Variants in MBOAT2 observed in about 807,000 individuals in gnomAD.
The protein encoded by MBOAT2 is membrane-bound glycerophospholipid O-acyltransferase 2.
In MBOAT2, 28 loss-of-function variants were observed where a neutral mutation model predicts 63.4. The observed-to-expected ratio is 0.44, with a 90% CI of 0.33 to 0.61. The LOEUF (loss-of-function observed/expected upper bound fraction) is 0.61, where lower values mean the gene tolerates loss of function less well. MBOAT2 is among the 20% of genes least tolerant of loss of function. MBOAT2 has a pLI of 0.03. For synonymous variants in MBOAT2, 211 were observed against 215.6 expected, an observed-to-expected ratio of 0.98 and a Z score of 0.19; for missense variants, 470 against 605.8, an observed-to-expected ratio of 0.78 and a Z score of 2.35.
At chr2:8,939,635 C>T (rs755452146) in intron 3 of MBOAT2, among the ~76,000 whole-genome samples, 66 of 152,270 alleles carry the variant, frequency 4.3e-4, no homozygotes, top group Non-Finnish European at 8.4e-4. Context: ...TCCTAGGAAA[C>T]GGGCTTCCGT....
intron 2 of MBOAT2, among the ~76,000 whole-genome samples, chr2:8,950,951 T>C (rs1266515032): frequency 6.6e-6 from 1 of 152,226 alleles, no homozygotes. Context: ...GATTTGTATA[T>C]GTTGAACCAT....
intron 3 of MBOAT2, among the ~76,000 whole-genome samples, chr2:8,922,862 C>T (rs988970816): frequency 6.6e-6 from 1 of 152,196 alleles, no homozygotes; most frequent in African/African-American, 2.4e-5. Context: ...CATCCTCAGG[C>T]TAGGAGAGCT....
At chr2:8,894,524 G>A (rs1664282193) in intron 4 of MBOAT2, among the ~76,000 whole-genome samples, 1 of 152,186 alleles carries the variant, frequency 6.6e-6, no homozygotes, top group Non-Finnish European at 1.5e-5. Context: ...GAAGGGCCAA[G>A]GGGGGCCTTC....
chr2:8,961,191 T>C (rs969196242), intron 1 of MBOAT2, among the ~76,000 whole-genome samples: 4 of 152,202 alleles, frequency 2.6e-5, no homozygotes, highest in East Asian at 1.9e-4. Flanking sequence ...CAAATATCAA[T>C]GTCCAATAAA....
intron 8 of MBOAT2, among the ~76,000 whole-genome samples, chr2:8,869,267 G>A (rs1379938381): frequency 1.4e-5 from 2 of 146,046 alleles, no homozygotes; most frequent in South Asian, 2.2e-4. Context: ...AGGTGGTCTC[G>A]AACTCCTGGC....
At chr2:8,965,612 T>C (rs1271313462) in intron 1 of MBOAT2, among the ~76,000 whole-genome samples, 3 of 152,164 alleles carry the variant, frequency 2.0e-5, no homozygotes, top group East Asian at 3.8e-4. Context: ...TCTCCAGCTT[T>C]ATATGTATAT....
At chr2:8,878,437 C>A (rs921556637) in intron 6 of MBOAT2, among the ~76,000 whole-genome samples, 1 of 152,168 alleles carries the variant, frequency 6.6e-6, no homozygotes, top group Non-Finnish European at 1.5e-5. Flanking sequence ...AGTCCATGCT[C>A]CTCTCTGAAT....
intron 7 of MBOAT2, among the ~76,000 whole-genome samples, chr2:8,874,870 G>C (rs1462041954): frequency 6.6e-6 from 1 of 152,198 alleles, no homozygotes; most frequent in Non-Finnish European, 1.5e-5. Flanking sequence ...CCCGAGTGTG[G>C]CTATATGATT....
At chr2:8,929,835 C>T (rs1048492791) in intron 3 of MBOAT2, among the ~76,000 whole-genome samples, 1 of 152,208 alleles carries the variant, frequency 6.6e-6, no homozygotes, top group Non-Finnish European at 1.5e-5. Flanking sequence ...GAAACTCACT[C>T]ATTTCCTGCA....
Position 8,862,746 on chromosome 2 carries a change from G to C in MBOAT2, c.1053-24C>G. On this transcript the variant is annotated intron_variant, in intron 10 of 12. Coordinates refer to ENST00000305997, the MANE Select transcript of MBOAT2 (RefSeq NM_138799.4). This position sits in a 1 kb window ranked among gnomAD's most constrained non-coding sequence, Gnocchi z 4.3. ...CCCTAGAAACCATGAAAAACATGGAGAGCCAAGTGGAGTGAGTGACCCGAG... is the reference window on the plus strand; with the variant it reads ...CCCTAGAAACCATGAAAAACATGGACAGCCAAGTGGAGTGAGTGACCCGAG... 3.1e-6 allele frequency: 5 copies of C among 1,598,118 alleles called. No individual in the cohort carries two copies. Among genetic ancestry groups the C allele is most frequent in the Non-Finnish European group, 4.3e-6 (5 of 1,174,404 alleles).
At chr2:8,888,189 C>T in intron 4 of MBOAT2, 116 bp from the exon 5 acceptor site, 2 of 932,028 alleles carry the variant, frequency 2.1e-6, no homozygotes, top group Non-Finnish European at 3.3e-6. Flanking sequence ...AAATTTTTAA[C>T]ATAAAAAAGA....
At chr2:8,925,734 G>A (rs766428843) in intron 3 of MBOAT2, among the ~76,000 whole-genome samples, 1 of 152,196 alleles carries the variant, frequency 6.6e-6, no homozygotes, top group Non-Finnish European at 1.5e-5. Context: ...AGTACAGGAG[G>A]CAAAGGCAAA....
chr2:8,870,926 C>T (rs1342684934), intron 8 of MBOAT2, among the ~76,000 whole-genome samples: 4 of 151,916 alleles, frequency 2.6e-5, no homozygotes, highest in Admixed American at 2.0e-4. Flanking sequence ...ATATTGGGGT[C>T]GGAGGATCAG....
At chr2:8,987,543 C>T (rs1280855263) in intron 1 of MBOAT2, among the ~76,000 whole-genome samples, 2 of 152,194 alleles carry the variant, frequency 1.3e-5, no homozygotes, top group Non-Finnish European at 2.9e-5. Flanking sequence ...AAAACACTCA[C>T]ATTTCTTTTG....
intron 1 of MBOAT2, among the ~76,000 whole-genome samples, chr2:8,982,467 ACTT>A (rs1369827491): frequency 1.4e-4 from 21 of 152,330 alleles, no homozygotes; most frequent in Admixed American, 5.9e-4. Context: ...GGTCAGAGTA[ACTT>A]CTTCTTAGCC....
intron 3 of MBOAT2, among the ~76,000 whole-genome samples, chr2:8,913,952 G>A (rs1417665761): frequency 2.0e-5 from 3 of 152,304 alleles, no homozygotes; most frequent in East Asian, 3.9e-4. Flanking sequence ...AGTGGATAAA[G>A]AAACTGCGGT....
intron 3 of MBOAT2, among the ~76,000 whole-genome samples, chr2:8,911,908 C>A (rs535829681): frequency 6.6e-6 from 1 of 152,210 alleles, no homozygotes; most frequent in Admixed American, 6.5e-5. Flanking sequence ...CGTCCCACCC[C>A]CTTGAATCTA....
chr2:8,971,108 A>G (rs1398141381), intron 1 of MBOAT2, among the ~76,000 whole-genome samples: 5 of 152,250 alleles, frequency 3.3e-5, no homozygotes. Flanking sequence ...GTCGATGCAA[A>G]AATCCTCAGT....
chr2:8,987,661 C>T (rs1212888473), intron 1 of MBOAT2, among the ~76,000 whole-genome samples: 1 of 152,178 alleles, frequency 6.6e-6, no homozygotes, highest in African/African-American at 2.4e-5. Context: ...ACATGTCAGA[C>T]AGTGGATGCT....
Sources: allele counts gnomAD v4.1 joint callset (sites outside exome capture counted in the v4.1 genomes callset), GRCh38; gene constraint gnomAD v4.1.1; non-coding constraint Gnocchi (gnomAD v3.1); transcripts MANE v1.5; gene names NCBI Gene and HGNC (gene_info 2026-07-23, HGNC 2026-07-21).